XKR6: variants seen among roughly 807,000 people sequenced by gnomAD.
XKR6 encodes XK related 6.
XKR6 carries 22 observed loss-of-function variants against 56.7 expected under a neutral mutation model. The ratio of observed to expected loss-of-function variants is 0.39; its 90% CI spans 0.28 to 0.55. The LOEUF is 0.55. Ranked by LOEUF, XKR6 falls within the 20% of genes least tolerant of loss-of-function variation. The pLI is 0.66. For missense variants in XKR6, 852 were observed against 889.0 expected (o/e 0.96, Z 0.53); for synonymous variants, 524 against 387.8 (o/e 1.35, Z -4.13).
At chr8:11,056,902 A>G (rs1369925740) in intron 1 of XKR6, among the ~76,000 whole-genome samples, 2 of 152,024 alleles carry the variant, frequency 1.3e-5, no homozygotes, top group African/African-American at 4.8e-5. Context: ...CTCACCCTTC[A>G]GGTCTCTAGT....
chr8:10,916,895 A>T (rs1800579058), intron 2 of XKR6, among the ~76,000 whole-genome samples: 1 of 152,228 alleles, frequency 6.6e-6, no homozygotes, highest in Non-Finnish European at 1.5e-5. Flanking sequence ...AGGGCTTCTG[A>T]TATAAAAGGA....
intron 1 of XKR6, among the ~76,000 whole-genome samples, chr8:10,948,972 C>A (rs940908486): frequency 6.6e-6 from 1 of 152,236 alleles, no homozygotes; most frequent in Non-Finnish European, 1.5e-5. Context: ...CTGGGCGGTG[C>A]AGCCTCTCGG....
chr8:11,059,024 G>C (rs1799758623), intron 1 of XKR6, among the ~76,000 whole-genome samples: 1 of 152,244 alleles, frequency 6.6e-6, no homozygotes, highest in Non-Finnish European at 1.5e-5. Flanking sequence ...AGTTGAAATA[G>C]CGGCCCAAGC....
intron 1 of XKR6, among the ~76,000 whole-genome samples, chr8:11,123,176 G>A (rs540458306): frequency 3.3e-5 from 5 of 149,742 alleles, no homozygotes; most frequent in African/African-American, 1.2e-4. Context: ...GGTGGAGGTC[G>A]CAGTGAGCCG....
chr8:11,030,081 G>A (rs937979636), intron 1 of XKR6, among the ~76,000 whole-genome samples: 1 of 152,104 alleles, frequency 6.6e-6, no homozygotes, highest in African/African-American at 2.4e-5. Flanking sequence ...AGTATTCCCA[G>A]ACTGCAGGAG....
At chr8:11,104,355 G>T (rs1034609788) in intron 1 of XKR6, among the ~76,000 whole-genome samples, 1 of 152,220 alleles carries the variant, frequency 6.6e-6, no homozygotes, top group African/African-American at 2.4e-5. Context: ...AGAAATCTCA[G>T]TATCTTTCTT....
intron 1 of XKR6, among the ~76,000 whole-genome samples, chr8:11,074,988 G>A (rs964485016): frequency 1.3e-5 from 2 of 152,206 alleles, no homozygotes; most frequent in African/African-American, 4.8e-5. Flanking sequence ...CCAGGACGCA[G>A]AGCAGAGCCT....
intron 1 of XKR6, among the ~76,000 whole-genome samples, chr8:11,003,948 G>C (rs1217788305): frequency 6.6e-6 from 1 of 152,206 alleles, no homozygotes; most frequent in Non-Finnish European, 1.5e-5. Flanking sequence ...ACTTCAAGGA[G>C]AGGAGACAGC....
intron 1 of XKR6, among the ~76,000 whole-genome samples, chr8:11,187,914 G>T (rs1010038231): frequency 2.6e-5 from 4 of 152,218 alleles, no homozygotes; most frequent in Admixed American, 6.5e-5. Context: ...AATGCTGAGC[G>T]CAAGTTTCAA....
intron 1 of XKR6, among the ~76,000 whole-genome samples, chr8:10,957,379 C>G (rs532176511): frequency 2.6e-5 from 4 of 152,322 alleles, no homozygotes; most frequent in Admixed American, 6.5e-5. Context: ...AGGCGTGTCA[C>G]CATTGGAACA....
At chr8:11,047,044 C>T (rs376810488) in intron 1 of XKR6, among the ~76,000 whole-genome samples, 10 of 152,064 alleles carry the variant, frequency 6.6e-5, no homozygotes, top group Admixed American at 4.6e-4. Context: ...AGTTTCAATT[C>T]GGCAGGATGA....
chr8:11,008,418 C>CTTTTTTT (rs35571220), intron 1 of XKR6, among the ~76,000 whole-genome samples: 20 of 104,140 alleles, frequency 1.9e-4, no homozygotes, highest in African/African-American at 3.2e-4. Flanking sequence ...GCTCCCCAGG[C>CTTTTTTT]TTTTTTTTTT....
intron 1 of XKR6, among the ~76,000 whole-genome samples, chr8:10,961,705 G>GA (rs905518434): frequency 1.3e-5 from 2 of 152,214 alleles, no homozygotes; most frequent in African/African-American, 4.8e-5. Flanking sequence ...CAGGGAGCTG[G>GA]AAAAATGAGA....
intron 1 of XKR6, among the ~76,000 whole-genome samples, chr8:10,991,753 T>C (rs530504356): frequency 6.6e-6 from 1 of 152,294 alleles, no homozygotes; most frequent in Non-Finnish European, 1.5e-5. Flanking sequence ...CTTCAATGTT[T>C]TTCTCCCATT....
chr8:11,044,189 C>A (rs924294797), intron 1 of XKR6, among the ~76,000 whole-genome samples: 1 of 152,208 alleles, frequency 6.6e-6, no homozygotes, highest in Non-Finnish European at 1.5e-5. Flanking sequence ...TGAGGGCCTT[C>A]ATGTCCTTGC....
chr8:10,989,482 G>T (rs1354909270), intron 1 of XKR6, among the ~76,000 whole-genome samples: 1 of 152,186 alleles, frequency 6.6e-6, no homozygotes, highest in Admixed American at 6.5e-5. Flanking sequence ...TCCATTTCGG[G>T]AATTGAAAGA....
At chr8:11,095,834 C>T (rs1798249809) in intron 1 of XKR6, among the ~76,000 whole-genome samples, 1 of 152,190 alleles carries the variant, frequency 6.6e-6, no homozygotes, top group African/African-American at 2.4e-5. Flanking sequence ...GACTAGACCA[C>T]ATTTAATTCA....
chr8:11,080,294 A>G (rs1297212871), intron 1 of XKR6, among the ~76,000 whole-genome samples: 1 of 152,116 alleles, frequency 6.6e-6, no homozygotes, highest in Non-Finnish European at 1.5e-5. Flanking sequence ...TTCTCACACA[A>G]TTTGTCCAAG....
intron 1 of XKR6, among the ~76,000 whole-genome samples, chr8:10,974,217 C>G (rs1215157768): frequency 6.6e-6 from 1 of 152,190 alleles, no homozygotes; most frequent in Non-Finnish European, 1.5e-5. Flanking sequence ...CACATGTTAG[C>G]TGTAAGCGAA....
Sources: allele counts gnomAD v4.1 joint callset (sites outside exome capture counted in the v4.1 genomes callset), GRCh38; gene constraint gnomAD v4.1.1; transcripts MANE v1.5; gene names NCBI Gene and HGNC (gene_info 2026-07-23, HGNC 2026-07-21).